PLXDC2: variants seen among roughly 807,000 people sequenced by gnomAD.
PLXDC2 encodes plexin domain containing 2, also known as plexin domain-containing protein 2.
PLXDC2 carries 40 observed loss-of-function variants against 68.9 expected under a neutral mutation model. The observed-to-expected ratio is 0.58, with a 90% confidence interval of 0.45 to 0.76. The LOEUF is 0.76. Among genes scored for constraint, PLXDC2 ranks in the 30% least tolerant of loss-of-function variants. The pLI, the probability that PLXDC2 is intolerant of heterozygous loss-of-function variation, is 0.00. For synonymous variants in PLXDC2, 243 were observed against 234.2 expected (o/e 1.04, Z -0.34); for missense variants, 644 against 661.9 (o/e 0.97, Z 0.30).
At chr10:19,824,465 G>T (rs955389899) in intron 1 of PLXDC2, among the ~76,000 whole-genome samples, 2 of 152,176 alleles carry the variant, frequency 1.3e-5, no homozygotes, top group Non-Finnish European at 2.9e-5. Context: ...TCACTAAGTT[G>T]CTTTCCACTT....
intron 1 of PLXDC2, among the ~76,000 whole-genome samples, chr10:19,923,728 T>C (rs114353606): frequency 0.013 from 1,959 of 152,300 alleles, 47 homozygotes; most frequent in African/African-American, 0.044. Context: ...TTGTATAAAA[T>C]AAAGTTAATA....
intron 3 of PLXDC2, among the ~76,000 whole-genome samples, chr10:20,061,824 G>T (rs758567717): frequency 5.3e-5 from 8 of 152,124 alleles, no homozygotes; most frequent in Admixed American, 5.2e-4. Flanking sequence ...TTGTGATACC[G>T]ATTCTATTAG....
At chr10:20,256,461 G>GTCTGTTTTAACACTAA (rs370079148) in intron 13 of PLXDC2, among the ~76,000 whole-genome samples, 4 of 151,730 alleles carry the variant, frequency 2.6e-5, no homozygotes, top group Non-Finnish European at 4.4e-5. Flanking sequence ...CACTGAGACT[G>GTCTGTTTTAACACTAA]CACCAAATGT....
chr10:20,055,738 T>G (rs1377557020), intron 3 of PLXDC2, among the ~76,000 whole-genome samples: 1 of 152,146 alleles, frequency 6.6e-6, no homozygotes, highest in African/African-American at 2.4e-5. Flanking sequence ...CCTATGTCTC[T>G]TTAGCTTAAT....
In PLXDC2 at chr10:20,140,262, G is replaced by A. The variant is rs189500088; in HGVS notation, c.542-3033G>A. On this transcript the variant is annotated intron_variant, in intron 4 of 13. Coordinates refer to ENST00000377252, the MANE Select transcript of PLXDC2 (RefSeq NM_032812.9). ...TGCAGTGAGCAGAGATCGCGCCACT[G>A]CACTCCAGCCTGGGCGACAGAGCGA... is the stretch of plus-strand genomic sequence containing the variant. Among the ~76,000 whole-genome samples the A allele has an allele frequency of 8.0e-4, 122 of 152,064 alleles. 2 individuals carry two copies. In the East Asian group the frequency reaches 0.02, roughly 25 times the overall value.
Position 20,131,340 on chromosome 10 carries a change from T to C in PLXDC2, c.542-11955T>C, listed in dbSNP as rs952866666. On this transcript the variant is annotated intron_variant, in intron 4 of 13. Transcript: ENST00000377252. ...ATTTGTTGGCATATAATTTTTATAG[T>C]AGTTTCTTCTGATATTTTATATTTA... 1.5e-4 allele frequency among the ~76,000 whole-genome samples: 23 copies of C among 152,242 alleles called. No homozygotes were observed. The South Asian group carries it at 2.1e-3, about 14-fold the overall frequency.
chr10:20,014,553 T>C (rs1835177868), intron 2 of PLXDC2, among the ~76,000 whole-genome samples: 1 of 152,054 alleles, frequency 6.6e-6, no homozygotes. Context: ...TTGAAGCAGC[T>C]ATAGCTCAGT....
In PLXDC2 at chr10:20,084,880, GAA is replaced by G. The variant is rs11315173; in HGVS notation, c.541+16655_541+16656del. On this transcript the variant is annotated intron_variant, in intron 4 of 13. Coordinates refer to ENST00000377252, the MANE Select transcript of PLXDC2 (RefSeq NM_032812.9). ...GGTGCTCACGAAGGCCGTGGCAGAG[GAA>G]AAAAAAAAAAAAATAACATGAGTTC... Among the ~76,000 whole-genome samples, 421 of 140,004 alleles carry G rather than the reference GAA, an allele frequency of 3.0e-3. 3 individuals are homozygous for G. The highest frequency in any genetic ancestry group is 8.3e-3 in the African/African-American group (323 of 38,706). The allele number at this position is 140,004 out of a possible 152,430, so 91.8% of individuals were successfully genotyped here. A position where few individuals can be genotyped will look rare whatever the true frequency, so the allele number is the denominator to read the frequency against.
At chr10:19,905,454 G>T (rs962914970) in intron 1 of PLXDC2, among the ~76,000 whole-genome samples, 3 of 152,192 alleles carry the variant, frequency 2.0e-5, no homozygotes, top group Non-Finnish European at 2.9e-5. Flanking sequence ...GCAATTAAAG[G>T]TTGTTTTGGG....
intron 1 of PLXDC2, among the ~76,000 whole-genome samples, chr10:19,953,663 T>C (rs1220322080): frequency 2.0e-5 from 3 of 152,194 alleles, no homozygotes; most frequent in Admixed American, 6.5e-5. Flanking sequence ...AAAAGACATT[T>C]CAACTTTCAA....
At chr10:19,972,079 A>G (rs1172562664) in intron 1 of PLXDC2, among the ~76,000 whole-genome samples, 1 of 151,936 alleles carries the variant, frequency 6.6e-6, no homozygotes, top group East Asian at 1.9e-4. Flanking sequence ...GTGAGTTGAG[A>G]TATCATTTGA....
At chr10:20,236,454 A>G (rs74931707) in intron 12 of PLXDC2, among the ~76,000 whole-genome samples, 8,996 of 152,154 alleles carry the variant, frequency 0.059, 384 homozygotes, top group East Asian at 0.16. Context: ...AAAAATTAAT[A>G]ATAATAACAA....
intron 1 of PLXDC2, among the ~76,000 whole-genome samples, chr10:19,837,046 G>A (rs773975936): frequency 9.9e-5 from 15 of 151,966 alleles, no homozygotes; most frequent in Non-Finnish European, 1.9e-4. Context: ...AAACTGTAAA[G>A]TCTTATAAAA....
At chr10:20,222,983 G>A (rs1835235027) in intron 12 of PLXDC2, among the ~76,000 whole-genome samples, 2 of 152,158 alleles carry the variant, frequency 1.3e-5, no homozygotes, top group Non-Finnish European at 2.9e-5. Flanking sequence ...TGAAAGAAGA[G>A]GAGGAAGAAG....
chr10:20,236,121 C>T (rs990935575), intron 12 of PLXDC2, among the ~76,000 whole-genome samples: 1 of 151,968 alleles, frequency 6.6e-6, no homozygotes, highest in Non-Finnish European at 1.5e-5. Flanking sequence ...TGGTAGAAGC[C>T]GAGACACATT....
chr10:20,020,062 G>C (rs1429768895), intron 2 of PLXDC2, among the ~76,000 whole-genome samples: 1 of 136,370 alleles, frequency 7.3e-6, no homozygotes, highest in Non-Finnish European at 1.5e-5. Flanking sequence ...GGCTTGCTCT[G>C]TCTGCTCAGT....
chr10:19,939,028 A>G (rs1346347510), intron 1 of PLXDC2, among the ~76,000 whole-genome samples: 1 of 152,216 alleles, frequency 6.6e-6, no homozygotes. Context: ...AGCCAGTTGT[A>G]TATAACGATG....
chr10:19,845,274 G>C (rs1281631758), intron 1 of PLXDC2, among the ~76,000 whole-genome samples: 2 of 152,092 alleles, frequency 1.3e-5, no homozygotes, highest in African/African-American at 4.8e-5. Flanking sequence ...TTTGTTTTTT[G>C]CTGCAGCTTT....
At chr10:19,955,741 G>A (rs1028138727) in intron 1 of PLXDC2, among the ~76,000 whole-genome samples, 2 of 152,034 alleles carry the variant, frequency 1.3e-5, no homozygotes, top group African/African-American at 4.8e-5. Flanking sequence ...ACACTGGAAA[G>A]AAGCTCTCCT....
Sources: gnomAD v4.1 joint callset for allele counts (sites outside exome capture counted in the v4.1 genomes callset) on GRCh38, gnomAD v4.1.1 for gene constraint, MANE v1.5 for transcripts, NCBI Gene and HGNC (gene_info 2026-07-23, HGNC 2026-07-21) for gene names.